LIPC: variants seen among roughly 807,000 people sequenced by gnomAD.
LIPC encodes hepatic triacylglycerol lipase.
LIPC carries 44 observed loss-of-function variants against 50.7 expected under a neutral mutation model. That is an observed-to-expected ratio of 0.87 (90% CI 0.68 to 1.11). The LOEUF (loss-of-function observed/expected upper bound fraction) is 1.11, where lower values mean the gene tolerates loss of function less well. LIPC is among the 50% of genes most tolerant of loss of function. The pLI is 0.00. For missense variants in LIPC, 697 were observed against 648.2 expected (o/e 1.08, Z -0.82); for synonymous variants, 271 against 256.4 (o/e 1.06, Z -0.54).
chr15:58,481,238 T>C (rs1451591304), intron 1 of LIPC, among the ~76,000 whole-genome samples: 1 of 152,122 alleles, frequency 6.6e-6, no homozygotes, highest in Non-Finnish European at 1.5e-5. Flanking sequence ...GTACAACCTC[T>C]TCAGGGGACA....
Position 58,568,614 on chromosome 15 carries a change from A to G in LIPC, c.1389-102A>G, listed in dbSNP as rs1379611779. 20 of 741,444 alleles carry G rather than the reference A, an allele frequency of 2.7e-5. No individual in the cohort carries two copies. The East Asian group carries it at 5.4e-4, about 20-fold the overall frequency. 45.9% of individuals were successfully genotyped at this position (741,444 alleles called of 1,614,324 possible). Reference sequence around the variant, plus strand: ...AGAATCTAACTTAAAAAAAGACATCACATGCCTTACACAAATTGAGTGAAA... The same window carrying G: ...AGAATCTAACTTAAAAAAAGACATCGCATGCCTTACACAAATTGAGTGAAA... On this transcript the variant is annotated intron_variant, in intron 8 of 8. Transcript: ENST00000299022.
chr15:58,483,652 A>C (rs1891266623), intron 1 of LIPC, among the ~76,000 whole-genome samples: 1 of 152,186 alleles, frequency 6.6e-6, no homozygotes. Flanking sequence ...TTTCTAAGTA[A>C]ATCTAGGAAG....
At chr15:58,539,744 G>A (rs1893258765) in intron 2 of LIPC, among the ~76,000 whole-genome samples, 1 of 152,236 alleles carries the variant, frequency 6.6e-6, no homozygotes, top group Non-Finnish European at 1.5e-5. Context: ...CTAACTGCTT[G>A]TATTAATAGC....
At chr15:58,551,059 A>G (rs1407977443) in intron 6 of LIPC, among the ~76,000 whole-genome samples, 3 of 150,046 alleles carry the variant, frequency 2.0e-5, no homozygotes, top group Non-Finnish European at 4.4e-5. Context: ...CTGGTCTCGA[A>G]CTCCTGACCT....
intron 6 of LIPC, among the ~76,000 whole-genome samples, chr15:58,549,932 G>T (rs771741031): frequency 3.3e-5 from 5 of 152,222 alleles, no homozygotes; most frequent in Non-Finnish European, 7.3e-5. Context: ...GGGTGAACCA[G>T]CTCCTCTTTT....
chr15:58,432,045 C>A lies in LIPC; in HGVS notation c.13C>A (p.Pro5Thr). 6.2e-7 allele frequency: 1 copy of A among 1,612,738 alleles called. No individual in the cohort carries two copies. The highest frequency in any genetic ancestry group is 8.5e-7 in the Non-Finnish European group (1 of 1,178,806). The change falls in exon 1 of 9, where the codon CCC (proline) becomes ACC (threonine). Residue 5 changes from proline (P) to threonine (T), a missense_variant. Transcript: ENST00000299022. ...GTGAAACGGAGAAATGGACACAAGT[C>A]CCCTGTGTTTCTCCATTCTGTTGGT... MDTS[P>T]LCFSILLVLC...
At chr15:58,458,633 T>G (rs1894222600) in intron 1 of LIPC, among the ~76,000 whole-genome samples, 1 of 152,190 alleles carries the variant, frequency 6.6e-6, no homozygotes, top group African/African-American at 2.4e-5. Context: ...AGAGACCAGC[T>G]TTCCAACAGG....
intron 1 of LIPC, among the ~76,000 whole-genome samples, chr15:58,479,264 T>A (rs1891106772): frequency 6.6e-6 from 1 of 152,244 alleles, no homozygotes; most frequent in African/African-American, 2.4e-5. Flanking sequence ...GCAATAGCAC[T>A]GTAGTGACAC....
chr15:58,494,922 G>A (rs1437664426), intron 1 of LIPC: 1 of 455,014 alleles, frequency 2.2e-6, no homozygotes, highest in African/African-American at 2.0e-5. Context: ...TATTAGTCCA[G>A]TCCCTCACTG....
At position 58,455,657 on chromosome 15, in the gene LIPC, G is replaced by A. The variant is rs574448434; in HGVS notation, c.88+23537G>A. On this transcript the variant is annotated intron_variant, in intron 1 of 8. Coordinates refer to ENST00000299022, the MANE Select transcript of LIPC (RefSeq NM_000236.3). ...GTCAGCCAACCTACACTTGTCATTT[G>A]CCACCATAGGTTGACTAGTGAGACA... Among the ~76,000 whole-genome samples the A allele has an allele frequency of 2.0e-5, 3 of 152,218 alleles. No homozygotes were observed. In the South Asian group the frequency reaches 6.2e-4, roughly 32 times the overall value.
chr15:58,519,387 G>T (rs1446350250), intron 1 of LIPC, among the ~76,000 whole-genome samples: 1 of 148,780 alleles, frequency 6.7e-6, no homozygotes, highest in Non-Finnish European at 1.5e-5. Context: ...CTCCAGCCTG[G>T]GTGACACAGA....
rs1187768037 is a variant in LIPC at position 58,444,726 on chromosome 15, A to T, written c.88+12606A>T. On this transcript the variant is annotated intron_variant, in intron 1 of 8. Coordinates refer to ENST00000299022, the MANE Select transcript of LIPC (RefSeq NM_000236.3). ...TTTCACCCAAATCACCTCTTTAAAGACTCTGGCTCCAAAAGCAGTCACATT... is the reference window on the plus strand; with the variant it reads ...TTTCACCCAAATCACCTCTTTAAAGTCTCTGGCTCCAAAAGCAGTCACATT... Among the ~76,000 whole-genome samples the T allele has an allele frequency of 3.9e-5, 6 of 152,012 alleles. No individual in the cohort carries two copies. In the East Asian group the frequency reaches 1.2e-3, roughly 29 times the overall value.
intron 1 of LIPC, among the ~76,000 whole-genome samples, chr15:58,531,861 C>G (rs1892970929): frequency 6.6e-6 from 1 of 152,044 alleles, no homozygotes; most frequent in Non-Finnish European, 1.5e-5. Flanking sequence ...AGAAAAGAAA[C>G]CCACTCAAGA....
chr15:58,515,390 T>C (rs1892453695), intron 1 of LIPC, among the ~76,000 whole-genome samples: 1 of 152,170 alleles, frequency 6.6e-6, no homozygotes. Context: ...AACTCTTTCA[T>C]TTCTTTACTC....
At chr15:58,545,203 C>T (rs1375074669) in intron 4 of LIPC, among the ~76,000 whole-genome samples, 1 of 151,930 alleles carries the variant, frequency 6.6e-6, no homozygotes, top group East Asian at 1.9e-4. Context: ...AACTGATTTG[C>T]TCAAGTAAAT....
intron 6 of LIPC, among the ~76,000 whole-genome samples, chr15:58,557,632 C>G (rs567681148): frequency 3.9e-5 from 6 of 151,954 alleles, no homozygotes; most frequent in Non-Finnish European, 7.4e-5. Context: ...TGATCCGCCC[C>G]CCTCAGCCTC....
intron 1 of LIPC, among the ~76,000 whole-genome samples, chr15:58,474,671 C>T (rs1406020757): frequency 1.3e-5 from 2 of 152,198 alleles, no homozygotes; most frequent in African/African-American, 4.8e-5. Context: ...CAGTGAGCAT[C>T]CCTGCGTGGA....
At chr15:58,516,110 C>T (rs1295683710) in intron 1 of LIPC, among the ~76,000 whole-genome samples, 2 of 152,112 alleles carry the variant, frequency 1.3e-5, no homozygotes, top group African/African-American at 2.4e-5. Context: ...GGATTTTCTG[C>T]GCATCTTTGC....
chr15:58,492,084 A>G (rs1437608629), intron 1 of LIPC, among the ~76,000 whole-genome samples: 1 of 152,162 alleles, frequency 6.6e-6, no homozygotes, highest in African/African-American at 2.4e-5. Flanking sequence ...TGCCAAGAAC[A>G]GAGGTGCCAC....
Sources: gnomAD v4.1 joint callset for allele counts (sites outside exome capture counted in the v4.1 genomes callset) on GRCh38, gnomAD v4.1.1 for gene constraint, MANE v1.5 for transcripts, NCBI Gene and HGNC (gene_info 2026-07-23, HGNC 2026-07-21) for gene names.